FSTL4: variants seen among roughly 807,000 people sequenced by gnomAD.
FSTL4 encodes the protein follistatin-related protein 4.
FSTL4 carries 28 observed loss-of-function variants against 78.2 expected under a neutral mutation model. The ratio of observed to expected loss-of-function variants is 0.36; its 90% CI spans 0.27 to 0.49. The LOEUF (loss-of-function observed/expected upper bound fraction) is 0.49. FSTL4 is among the 20% of genes least tolerant of loss of function. The pLI is 0.98. For synonymous variants in FSTL4, 422 were observed against 440.5 expected (o/e 0.96, Z 0.53); for missense variants, 922 against 1,084.9 (o/e 0.85, Z 2.11).
chr5:133,231,769 C>T (rs1751500864), intron 8 of FSTL4, among the ~76,000 whole-genome samples: 1 of 152,150 alleles, frequency 6.6e-6, no homozygotes, highest in Admixed American at 6.5e-5. Context: ...GTTCGAACTC[C>T]TGGACTCAAG....
chr5:133,814,241 G>C, the FSTL4 span, among the ~76,000 whole-genome samples: 1 of 152,194 alleles, frequency 6.6e-6, no homozygotes, highest in Non-Finnish European at 1.5e-5. Context: ...GCAAGGTTCT[G>C]GGGAGGAGAA....
At chr5:133,686,397 A>G in the FSTL4 span, among the ~76,000 whole-genome samples, 1 of 152,248 alleles carries the variant, frequency 6.6e-6, no homozygotes, top group African/African-American at 2.4e-5. Context: ...ATAAGGTAAT[A>G]TTATAAAATG....
intron 7 of FSTL4, among the ~76,000 whole-genome samples, chr5:133,237,365 A>G (rs1216712555): frequency 6.6e-6 from 1 of 152,160 alleles, no homozygotes; most frequent in South Asian, 2.1e-4. Context: ...CAACACAGTC[A>G]TTTAACCTCA....
intron 4 of FSTL4, among the ~76,000 whole-genome samples, chr5:133,329,442 G>C (rs1222918745): frequency 6.6e-6 from 1 of 152,106 alleles, no homozygotes; most frequent in East Asian, 1.9e-4. Flanking sequence ...TTACACACCT[G>C]TAACAGGTTC....
At chr5:133,508,391 G>A (rs192860197) in intron 3 of FSTL4, among the ~76,000 whole-genome samples, 45 of 152,308 alleles carry the variant, frequency 3.0e-4, no homozygotes, top group Non-Finnish European at 6.2e-4. Flanking sequence ...CTACCTTTGG[G>A]AGGGTCAACT....
At chr5:133,214,898 C>T (rs1750858715) in intron 13 of FSTL4, among the ~76,000 whole-genome samples, 1 of 152,142 alleles carries the variant, frequency 6.6e-6, no homozygotes, top group South Asian at 2.1e-4. Context: ...TTTGTCATTC[C>T]CTTCCAGGCA....
At chr5:133,486,580 T>C (rs1009633874) in intron 3 of FSTL4, among the ~76,000 whole-genome samples, 1 of 152,098 alleles carries the variant, frequency 6.6e-6, no homozygotes, top group Non-Finnish European at 1.5e-5. Context: ...CTATGAAAAA[T>C]CCATCACCCG....
intron 6 of FSTL4, among the ~76,000 whole-genome samples, chr5:133,289,903 T>C (rs1747459122): frequency 6.6e-6 from 1 of 152,078 alleles, no homozygotes; most frequent in African/African-American, 2.4e-5. Context: ...AATGAAGCAA[T>C]GACTTCTGAA....
chr5:133,287,487 A>T (rs1753161818), intron 6 of FSTL4, among the ~76,000 whole-genome samples: 1 of 152,068 alleles, frequency 6.6e-6, no homozygotes, highest in Admixed American at 6.6e-5. Flanking sequence ...ACATCTCTTA[A>T]ATCAGCAGTG....
At chr5:133,774,322 T>C in the FSTL4 span, among the ~76,000 whole-genome samples, 5 of 152,152 alleles carry the variant, frequency 3.3e-5, no homozygotes, top group African/African-American at 1.2e-4. Flanking sequence ...CAATCAGAAG[T>C]GATTTGCTTG....
the FSTL4 span, among the ~76,000 whole-genome samples, chr5:133,726,885 A>C: frequency 6.6e-6 from 1 of 152,248 alleles, no homozygotes; most frequent in South Asian, 2.1e-4. Context: ...TTCACATGCA[A>C]GATAAAGCTC....
At chr5:133,670,898 C>T in the FSTL4 span, among the ~76,000 whole-genome samples, 2 of 152,152 alleles carry the variant, frequency 1.3e-5, no homozygotes, top group Admixed American at 1.3e-4. Flanking sequence ...ATATCTACAC[C>T]TTTTGGGTGT....
intron 4 of FSTL4, among the ~76,000 whole-genome samples, chr5:133,356,669 G>C (rs1487307398): frequency 6.6e-6 from 1 of 152,214 alleles, no homozygotes; most frequent in Non-Finnish European, 1.5e-5. Flanking sequence ...AGTGTCAACT[G>C]CAGGGTTGCC....
At position 133,422,881 on chromosome 5, in the gene FSTL4, G is replaced by A. The variant is rs909130816; in HGVS notation, c.161-21895C>T. Reference sequence around the variant, plus strand: ...CAGACCACTTCAAAACTCTTGCCACGTTTATTTCATTTTTCCTTTATGGCT... The same window carrying A: ...CAGACCACTTCAAAACTCTTGCCACATTTATTTCATTTTTCCTTTATGGCT... On this transcript the variant is annotated intron_variant, in intron 3 of 15. Transcript: ENST00000265342. 4.6e-5 allele frequency among the ~76,000 whole-genome samples: 7 copies of A among 152,222 alleles called. No individual in the cohort carries two copies. The South Asian group carries it at 6.2e-4, about 14-fold the overall frequency.
Position 133,233,498 on chromosome 5 carries a change from T to C in FSTL4, c.934A>G (p.Thr312Ala), listed in dbSNP as rs750808893. ...GTGTAATTGCCCATGTGGATGGTGG[T>C]CACCTTGGTGATGTACAGGGAATCA... ...EDDSLYITKVTTIHMGNYTCH... is the reference protein window; with the variant it reads ...EDDSLYITKVATIHMGNYTCH... Residue 312 changes from threonine (T) to alanine (A), a missense_variant, in exon 8 of 16, where the codon ACC becomes GCC. By Grantham distance (58) the Thr-to-Ala change is moderately conservative. Coordinates refer to ENST00000265342, the MANE Select transcript of FSTL4 (RefSeq NM_015082.2). The C allele has an allele frequency of 6.2e-7, 1 of 1,614,018 alleles. No individual in the cohort carries two copies. The highest frequency in any genetic ancestry group is 8.5e-7 in the Non-Finnish European group (1 of 1,179,998).
chr5:133,780,947 T>C, the FSTL4 span, among the ~76,000 whole-genome samples: 2 of 152,208 alleles, frequency 1.3e-5, no homozygotes, highest in African/African-American at 2.4e-5. Context: ...AGAGGTTCCA[T>C]GACTGAGCTC....
intron 4 of FSTL4, among the ~76,000 whole-genome samples, chr5:133,376,227 C>A (rs1755432791): frequency 6.6e-6 from 1 of 152,146 alleles, no homozygotes; most frequent in African/African-American, 2.4e-5. Context: ...AGGAATAGAT[C>A]AACTGAACAG....
Position 133,361,863 on chromosome 5 carries a change from C to G in FSTL4, c.409+38875G>C, listed in dbSNP as rs545577764. Among the ~76,000 whole-genome samples, 2 of 152,362 alleles carry G rather than the reference C, an allele frequency of 1.3e-5. No individual in the cohort carries two copies. Among genetic ancestry groups the G allele is most frequent in the South Asian group, 4.1e-4 (2 of 4,834 alleles). On this transcript the variant is annotated intron_variant, in intron 4 of 15. Transcript: ENST00000265342. The surrounding 1 kb of genome is among the most constrained non-coding windows in gnomAD (Gnocchi z 4.3). The stretch of plus-strand genomic sequence containing the variant: ...CATTGTATAAGACAGTCCTTCACAA[C>G]AATACATTGTCACATGCCCCCATTT...
At chr5:133,826,036 C>T in the FSTL4 span, among the ~76,000 whole-genome samples, 49 of 152,348 alleles carry the variant, frequency 3.2e-4, no homozygotes, top group African/African-American at 1.2e-3. Flanking sequence ...CCTGCCACTG[C>T]CTCCAGGTGA....
Sources: gnomAD v4.1 joint callset for allele counts (sites outside exome capture counted in the v4.1 genomes callset) on GRCh38, gnomAD v4.1.1 for gene constraint, Gnocchi (gnomAD v3.1) non-coding constraint, MANE v1.5 for transcripts, NCBI Gene and HGNC (gene_info 2026-07-23, HGNC 2026-07-21) for gene names.